EXOC6: variants seen among roughly 807,000 people sequenced by gnomAD.
EXOC6 encodes exocyst complex component 6.
In EXOC6, 60 loss-of-function variants were observed where a neutral mutation model predicts 112.5. The ratio of observed to expected loss-of-function variants is 0.53; its 90% CI spans 0.43 to 0.66. EXOC6 has a LOEUF of 0.66. Among genes scored for constraint, EXOC6 ranks in the 30% least tolerant of loss-of-function variants. EXOC6 has a pLI of 0.00. For missense variants in EXOC6, 855 were observed against 957.1 expected (o/e 0.89, Z 1.41); for synonymous variants, 295 against 308.0 (o/e 0.96, Z 0.44).
intron 20 of EXOC6, among the ~76,000 whole-genome samples, chr10:93,017,990 A>C (rs1844615925): frequency 6.6e-6 from 1 of 151,710 alleles, no homozygotes; most frequent in Non-Finnish European, 1.5e-5. Context: ...AGCTTGGGCA[A>C]CAAGAGTGAA....
chr10:92,924,911 AC>A (rs1170955338), intron 8 of EXOC6, among the ~76,000 whole-genome samples: 1 of 152,156 alleles, frequency 6.6e-6, no homozygotes, highest in African/African-American at 2.4e-5. Flanking sequence ...ATGAGTGAGA[AC>A]ATGCAGTATT....
intron 1 of EXOC6, among the ~76,000 whole-genome samples, chr10:92,887,608 T>C (rs1732428902): frequency 1.3e-5 from 2 of 151,856 alleles, no homozygotes; most frequent in South Asian, 4.2e-4. Context: ...ACCTGGCCTG[T>C]TGGCCAGGCT....
intron 17 of EXOC6, among the ~76,000 whole-genome samples, chr10:92,962,443 G>C (rs1377483444): frequency 6.6e-6 from 1 of 151,954 alleles, no homozygotes; most frequent in Non-Finnish European, 1.5e-5. Flanking sequence ...AGGTTAGAGT[G>C]CAGTGACTTG....
At chr10:92,875,504 C>G (rs1247087577) in intron 1 of EXOC6, among the ~76,000 whole-genome samples, 1 of 152,116 alleles carries the variant, frequency 6.6e-6, no homozygotes, top group Non-Finnish European at 1.5e-5. Flanking sequence ...AATTAGATTG[C>G]CCCTGAGACC....
rs114644908 is a variant in EXOC6, at chr10:92,996,287, T to C, written c.1954-1187T>C. Among the ~76,000 whole-genome samples the C allele has an allele frequency of 4.3e-3, 654 of 152,294 alleles. 5 individuals carry two copies. The highest frequency in any genetic ancestry group is 0.015 in the African/African-American group (616 of 41,564). On this transcript the variant is annotated intron_variant, in intron 18 of 21. Transcript: ENST00000260762. ...GAAGGTAGCCATCCTAGGAGCAGTATTATGCAGGAGAACTTTACCTAAAAG... is the reference window on the plus strand; with the variant it reads ...GAAGGTAGCCATCCTAGGAGCAGTACTATGCAGGAGAACTTTACCTAAAAG...
intron 18 of EXOC6, among the ~76,000 whole-genome samples, chr10:92,988,249 G>A (rs982778749): frequency 2.6e-5 from 4 of 151,894 alleles, no homozygotes; most frequent in Non-Finnish European, 4.4e-5. Flanking sequence ...CGGCTTTATC[G>A]TATTTTGCTT....
At position 93,035,374 on chromosome 10, in the gene EXOC6, T is replaced by C. The variant is rs562855332; in HGVS notation, c.2169+21107T>C. 2.5e-3 allele frequency among the ~76,000 whole-genome samples: 374 copies of C among 152,348 alleles called. 1 individual carries two copies. The highest frequency in any genetic ancestry group is 4.4e-3 in the Non-Finnish European group (297 of 68,018). ...TAGTTTGGAAAATTACCCTGTAAAATGATTTTTCAAAAACCAAAAACAAAC... is the reference window on the plus strand; with the variant it reads ...TAGTTTGGAAAATTACCCTGTAAAACGATTTTTCAAAAACCAAAAACAAAC... On this transcript the variant is annotated intron_variant, in intron 20 of 21. Transcript: ENST00000260762.
intron 17 of EXOC6, among the ~76,000 whole-genome samples, chr10:92,972,795 C>T (rs780242716): frequency 3.3e-5 from 5 of 152,196 alleles, no homozygotes; most frequent in African/African-American, 4.8e-5. Flanking sequence ...TCTCCTGTCA[C>T]TACCCTGTTT....
chr10:92,883,850 G>A (rs934300513), intron 1 of EXOC6, among the ~76,000 whole-genome samples: 1 of 152,152 alleles, frequency 6.6e-6, no homozygotes, highest in Non-Finnish European at 1.5e-5. Context: ...ATAGTATTTT[G>A]TCAGGGGTAA....
chr10:93,034,433 C>T (rs1177851872), intron 20 of EXOC6, among the ~76,000 whole-genome samples: 1 of 152,130 alleles, frequency 6.6e-6, no homozygotes, highest in African/African-American at 2.4e-5. Context: ...TACCATACCC[C>T]CAAATGATTA....
intron 1 of EXOC6, among the ~76,000 whole-genome samples, chr10:92,837,693 A>G (rs1846706840): frequency 6.6e-6 from 1 of 152,136 alleles, no homozygotes; most frequent in African/African-American, 2.4e-5. Context: ...AAACCAAAAG[A>G]AAACTATAAG....
At chr10:92,941,090 C>T (rs1190208815) in intron 13 of EXOC6, among the ~76,000 whole-genome samples, 1 of 152,072 alleles carries the variant, frequency 6.6e-6, no homozygotes, top group Non-Finnish European at 1.5e-5. Context: ...CTCCATTTCC[C>T]CCTTCCCCCA....
At chr10:92,929,518 C>T (rs1851909133) in intron 9 of EXOC6, among the ~76,000 whole-genome samples, 1 of 151,998 alleles carries the variant, frequency 6.6e-6, no homozygotes, top group Non-Finnish European at 1.5e-5. Flanking sequence ...ATATTAACAA[C>T]AAAAATAGAT....
intron 19 of EXOC6, among the ~76,000 whole-genome samples, chr10:92,999,083 G>A (rs538788512): frequency 3.3e-5 from 5 of 152,080 alleles, no homozygotes; most frequent in Non-Finnish European, 7.4e-5. Context: ...CATTGGTCAG[G>A]CTGGTCGCAA....
At chr10:92,947,211 A>G (rs879692499) in intron 13 of EXOC6, among the ~76,000 whole-genome samples, 6 of 152,248 alleles carry the variant, frequency 3.9e-5, no homozygotes, top group African/African-American at 7.2e-5. Flanking sequence ...TCACTCACAC[A>G]GAAACCCACG....
intron 11 of EXOC6, 137 bp downstream of exon 11, chr10:92,934,567 T>A (rs543385916): frequency 2.8e-6 from 2 of 706,446 alleles, no homozygotes; most frequent in Non-Finnish European, 4.2e-6. Context: ...GAAGTAGTAA[T>A]GTCAGGCTTT....
At chr10:92,995,893 A>G (rs943410618) in intron 18 of EXOC6, among the ~76,000 whole-genome samples, 5 of 152,242 alleles carry the variant, frequency 3.3e-5, no homozygotes, top group African/African-American at 1.2e-4. Flanking sequence ...CAAAAAACTC[A>G]TTCAAAAAGT....
chr10:92,975,963 TGAG>T (rs1842572622), intron 18 of EXOC6, among the ~76,000 whole-genome samples: 1 of 124,084 alleles, frequency 8.1e-6, no homozygotes, highest in South Asian at 2.7e-4. Flanking sequence ...GTCCGGTAGG[TGAG>T]GGGCGCCTCT....
intron 1 of EXOC6, among the ~76,000 whole-genome samples, chr10:92,874,769 ATCTT>A (rs949551969): frequency 6.6e-6 from 1 of 152,174 alleles, no homozygotes; most frequent in African/African-American, 2.4e-5. Context: ...GTGGACAACC[ATCTT>A]TCTTTCTATT....
Sources: allele counts gnomAD v4.1 joint callset (sites outside exome capture counted in the v4.1 genomes callset), GRCh38; gene constraint gnomAD v4.1.1; transcripts MANE v1.5; gene names NCBI Gene and HGNC (gene_info 2026-07-23, HGNC 2026-07-21).